The following TONSL variants were observed in gnomAD, a reference collection of about 807,000 sequenced individuals.
The protein encoded by TONSL is tonsoku like, DNA repair protein, also known as tonsoku-like protein.
Under a neutral mutation model 147.1 loss-of-function variants are expected in TONSL, and 112 were observed. The ratio of observed to expected loss-of-function variants is 0.76; its 90% confidence interval spans 0.65 to 0.89. TONSL has a LOEUF of 0.89. Ranked by LOEUF, TONSL falls within the 40% of genes least tolerant of loss-of-function variation. TONSL has a pLI of 0.00. For missense variants in TONSL, 1,883 were observed against 1,864.6 expected (o/e 1.01, Z -0.18); for synonymous variants, 868 against 801.5 (o/e 1.08, Z -1.40).
intron 13 of TONSL, chr8:144,438,248 G>A: frequency 1.7e-6 from 1 of 593,268 alleles, no homozygotes; most frequent in Admixed American, 2.9e-5. Flanking sequence ...TGTTGCCCAG[G>A]CTGGAGTGCA....
Position 144,433,748 on chromosome 8 carries a change from C to G in TONSL, c.3399G>C (p.Glu1133Asp). Residue 1133 changes from glutamate to aspartate, a missense_variant, in exon 22 of 26, where the codon GAG becomes GAC. Transcript: ENST00000409379. The part of the protein sequence containing the change: ...PGQATLQSLE[E>D]LDLSMNPLGD... ...CCAGGGGGTTCATGCTTAAGTCCAG[C>G]TCCTCCAAACTCTGTGGAAGACACA... is the stretch of plus-strand genomic sequence containing the variant. 1 of 1,578,718 alleles carries G rather than the reference C, an allele frequency of 6.3e-7. No homozygotes were observed. Among genetic ancestry groups the G allele is most frequent in the Non-Finnish European group, 8.6e-7 (1 of 1,163,140 alleles).
rs780557538 is a variant in TONSL, at chr8:144,436,327, G to T, written c.2106C>A (p.Pro702=). ...CCTCTGGGAGTCTAGTGCTATTAGA[G>T]GGGGGTTCTGGGCAGGGGCTCAAAG... ...SPPLSPCPEP[P]SNSTRLPEAS... is the part of the protein sequence containing the mutation. The change falls in exon 17 of 26, where the codon CCC becomes CCA. Residue 702 remains proline (P), a synonymous_variant. Coordinates refer to ENST00000409379, the MANE Select transcript of TONSL (RefSeq NM_013432.5). 2.7e-6 allele frequency: 4 copies of T among 1,502,082 alleles called. No individual in the cohort carries two copies. Among genetic ancestry groups the T allele is most frequent in the Non-Finnish European group, 2.6e-6 (3 of 1,132,442 alleles). 93.0% of individuals were successfully genotyped at this position (1,502,082 alleles called of 1,614,324 possible).
rs1162313545 is a variant in TONSL, at chr8:144,432,442, G to A, written c.3578C>T (p.Thr1193Ile). The change falls in exon 23 of 26, where the codon ACC becomes ATC. Residue 1193 changes from threonine (T) to isoleucine (I), a missense_variant. Thr to Ile is a moderately conservative substitution (Grantham distance 89, BLOSUM62 -1). Transcript: ENST00000409379. Reference protein sequence around the residue: ...SAFQDAEHLKTLSLSYNALGA... With the variant: ...SAFQDAEHLKILSLSYNALGA... ...CAGGGCGTTGTAGGACAGGGACAGG[G>A]TCTTCAGGTGCTCAGCATCTGCACC... 1.9e-6 allele frequency: 3 copies of A among 1,556,498 alleles called. No homozygotes were observed. Among genetic ancestry groups the A allele is most frequent in the East Asian group, 4.6e-5 (2 of 43,604 alleles).
intron 11 of TONSL, among the ~76,000 whole-genome samples, chr8:144,439,605 G>A (rs1329333846): frequency 6.6e-6 from 1 of 152,202 alleles, no homozygotes; most frequent in Non-Finnish European, 1.5e-5. Flanking sequence ...CCCCGCTCCA[G>A]CCAGTCCCTC....
At position 144,428,839 on chromosome 8, in the gene TONSL, G is replaced by C. The variant is rs1288434115; in HGVS notation, c.*304C>G. 2 of 261,364 alleles carry C rather than the reference G, an allele frequency of 7.7e-6. No homozygotes were observed. The highest frequency in any genetic ancestry group is 1.4e-5 in the Non-Finnish European group (2 of 138,162). 16.2% of individuals were successfully genotyped at this position (261,364 alleles called of 1,614,324 possible). ...GAGTCTCGGTCTGTCGCCCAGGCTG[G>C]AGTGCAGTGGTGCGATCTCGGCTCA... On this transcript the variant is annotated 3_prime_UTR_variant, in exon 26 of 26. Coordinates refer to ENST00000409379, the MANE Select transcript of TONSL (RefSeq NM_013432.5).
intron 13 of TONSL, 127 bp downstream of exon 13, chr8:144,438,344 C>T: frequency 1.1e-6 from 1 of 895,202 alleles, no homozygotes; most frequent in Non-Finnish European, 1.7e-6. Flanking sequence ...GCAAGTGCCA[C>T]CATGCTTGCT....
In TONSL at chr8:144,440,778, G is replaced by A. The variant is rs745444531; in HGVS notation, c.1104C>T (p.His368=). Residue 368 remains histidine, a synonymous_variant, in exon 9 of 26, where the codon CAC becomes CAT. Coordinates refer to ENST00000409379, the MANE Select transcript of TONSL (RefSeq NM_013432.5). ...CCTCATAGTGGCGCACGGCCCCATG[G>A]TGGTCCTTCATGTCTCCCAGTGTGG... ...LATTLGDMKD[H]HGAVRHYEEE... The A allele has an allele frequency of 1.8e-5, 29 of 1,612,828 alleles. No individual in the cohort carries two copies. The highest frequency in any genetic ancestry group is 2.7e-5 in the African/African-American group (2 of 74,926).
In TONSL at chr8:144,433,647, C is replaced by T; in HGVS notation, c.3500G>A (p.Cys1167Tyr). The change falls in exon 22 of 26, where the codon TGT becomes TAT. Residue 1167 changes from cysteine (C) to tyrosine (Y), a missense_variant. By Grantham distance (194) the Cys-to-Tyr change is radical. Transcript: ENST00000409379. ...CAGAAAGAAGCTGGGGCCGAAGCCA[C>T]ACGCCTGCAGGCGCAGGGTGCTGAG... Reference protein sequence around the residue: ...PLLSTLRLQACGFGPSFFLSH... With the variant: ...PLLSTLRLQAYGFGPSFFLSH... 1.2e-6 allele frequency: 2 copies of T among 1,613,316 alleles called. No individual in the cohort carries two copies. Among genetic ancestry groups the T allele is most frequent in the Non-Finnish European group, 1.7e-6 (2 of 1,179,964 alleles).
In TONSL at chr8:144,435,859, C is replaced by A. The variant is rs200607990; in HGVS notation, c.2574G>T (p.Arg858Ser). 1 of 1,607,782 alleles carries A rather than the reference C, an allele frequency of 6.2e-7. No homozygotes were observed. The highest frequency in any genetic ancestry group is 8.5e-7 in the Non-Finnish European group (1 of 1,175,858). Residue 858 changes from arginine to serine, a missense_variant, in exon 17 of 26, where the codon AGG (arginine) becomes AGT (serine). By Grantham distance (110) the Arg-to-Ser change is moderately radical. Transcript: ENST00000409379. ...PRPRGTGDNRRPSSTSGSDSE... is the reference protein window; with the variant it reads ...PRPRGTGDNRSPSSTSGSDSE... The stretch of plus-strand genomic sequence containing the variant: ...TGTCCGACCCAGAGGTACTACTGGG[C>A]CTGCGGTTGTCTCCAGTGCCCCGGG...
In TONSL at chr8:144,442,072, A is replaced by T; in HGVS notation, c.830T>A (p.Val277Glu). The change falls in exon 7 of 26, where the codon GTG becomes GAG. Residue 277 changes from valine to glutamate, a missense_variant. By Grantham distance (121) the Val-to-Glu change is moderately radical. Transcript: ENST00000409379. Reference protein sequence around the residue: ...KAYRLGSQKPVQRAAICQNLQ... With the variant: ...KAYRLGSQKPEQRAAICQNLQ... ...GTTCTGACAGATGGCTGCCCTCTGC[A>T]CAGGCTTCTGGGAGCCCAGCCTGTA... 6.2e-7 allele frequency: 1 copy of T among 1,612,810 alleles called. No homozygotes were observed. The highest frequency in any genetic ancestry group is 8.5e-7 in the Non-Finnish European group (1 of 1,179,936).
In TONSL at chr8:144,435,661, G is replaced by C; in HGVS notation, c.2772C>G (p.Pro924=). The change falls in exon 17 of 26, where the codon CCC becomes CCG. Residue 924 remains proline (P), a synonymous_variant. Transcript: ENST00000409379. Reference sequence around the variant, plus strand: ...TGCTCCAGGTCTGCATACCCACCAAGGGCTGGCCTGCCGCAGAGCTGTCCC... The same window carrying C: ...TGCTCCAGGTCTGCATACCCACCAACGGCTGGCCTGCCGCAGAGCTGTCCC... ...PSGDSSAAGQ[P]LGPAPPPPIR... The C allele has an allele frequency of 6.2e-7, 1 of 1,600,208 alleles. No individual in the cohort carries two copies. The highest frequency in any genetic ancestry group is 8.5e-7 in the Non-Finnish European group (1 of 1,170,294).
chr8:144,435,365 G>A (rs546050922), intron 18 of TONSL, 109 bp downstream of exon 18: 11 of 1,255,986 alleles, frequency 8.8e-6, no homozygotes, highest in Middle Eastern at 2.4e-4. Flanking sequence ...GATCCTCCTG[G>A]AACACACCAG....
intron 4 of TONSL, 131 bp downstream of exon 4, chr8:144,443,007 C>A (rs1280994586): frequency 2.4e-6 from 3 of 1,256,014 alleles, no homozygotes; most frequent in East Asian, 2.5e-5. Flanking sequence ...GGGCATGCAC[C>A]CCTCACACAA....
intron 9 of TONSL, 48 bp downstream of exon 9, chr8:144,440,670 G>T: frequency 6.3e-7 from 1 of 1,584,902 alleles, no homozygotes; most frequent in Non-Finnish European, 8.6e-7. Context: ...CAGTCCTGAG[G>T]CAGAGACATG....
rs1476178710 is a variant in TONSL at position 144,435,972 on chromosome 8, G to T, written c.2461C>A (p.Gln821Lys). The change falls in exon 17 of 26, where the codon CAG becomes AAG. Residue 821 changes from glutamine to lysine, a missense_variant. Gln to Lys is a moderately conservative substitution (Grantham distance 53). Transcript: ENST00000409379. The stretch of plus-strand genomic sequence containing the variant: ...TCCTCCTCCGGGATGAGCGCTGCCT[G>T]GGGGGCAAGGGCTTTGCTGTGGCCC... ...PRGHSKALAP[Q>K]AALIPEEECL... 2 of 1,553,984 alleles carry T rather than the reference G, an allele frequency of 1.3e-6. No homozygotes were observed. Among genetic ancestry groups the T allele is most frequent in the East Asian group, 2.3e-5 (1 of 43,822 alleles).
rs767283288 is a variant in TONSL, at chr8:144,442,087, C to A, written c.815G>T (p.Gly272Val). The A allele has an allele frequency of 6.2e-7, 1 of 1,612,838 alleles. No individual in the cohort carries two copies. The highest frequency in any genetic ancestry group is 1.7e-5 in the Admixed American group (1 of 60,012). Residue 272 changes from glycine (G) to valine (V), a missense_variant, in exon 7 of 26, where the codon GGC (glycine) becomes GTC (valine). Transcript: ENST00000409379. ...KRALKKAYRL[G>V]SQKPVQRAAI... ...TGCCCTCTGCACAGGCTTCTGGGAG[C>A]CCAGCCTGTAGGCCTTCTTCAGGGC... is the stretch of plus-strand genomic sequence containing the variant.
chr8:144,430,515 G>C lies in TONSL; in HGVS notation c.3832C>G (p.Leu1278Val). The change falls in exon 25 of 26, where the codon CTC becomes GTC. Residue 1278 changes from leucine (L) to valine (V), a missense_variant. Leu to Val is a conservative substitution (Grantham distance 32). Coordinates refer to ENST00000409379, the MANE Select transcript of TONSL (RefSeq NM_013432.5). The part of the protein sequence containing the change: ...LCRCLSLCPS[L>V]ISLDLSANPE... ...TTGGCAGACAGATCCAGTGAGATGA[G>C]TGAGGGGCACAGAGAGAGACATCTG... 1 of 1,613,032 alleles carries C rather than the reference G, an allele frequency of 6.2e-7. No homozygotes were observed. The highest frequency in any genetic ancestry group is 8.5e-7 in the Non-Finnish European group (1 of 1,179,534).
At chr8:144,438,882 T>C (rs1586692711) in intron 11 of TONSL, 147 bp from the exon 12 acceptor site, 1 of 780,068 alleles carries the variant, frequency 1.3e-6, no homozygotes, top group South Asian at 1.6e-5. Context: ...CTCTGGGGGC[T>C]CCTCAGCAAT....
intron 20 of TONSL, 142 bp downstream of exon 20, chr8:144,434,669 G>A (rs1823358454): frequency 1.2e-5 from 11 of 884,158 alleles, no homozygotes; most frequent in East Asian, 8.0e-5. Flanking sequence ...ACACATCCAA[G>A]TGCAGGACAC....
Sources: gnomAD v4.1 joint callset for allele counts (sites outside exome capture counted in the v4.1 genomes callset) on GRCh38, gnomAD v4.1.1 for gene constraint, MANE v1.5 for transcripts, NCBI Gene and HGNC (gene_info 2026-07-23, HGNC 2026-07-21) for gene names.